UNC13C: variants seen among roughly 807,000 people sequenced by gnomAD.
UNC13C encodes the protein protein unc-13 homolog C.
Under a neutral mutation model 245.4 loss-of-function variants are expected in UNC13C, and 174 were observed. The ratio of observed to expected loss-of-function variants is 0.71; its 90% CI spans 0.63 to 0.80. The LOEUF (loss-of-function observed/expected upper bound fraction) is 0.80, where lower values mean the gene tolerates loss of function less well. Among genes scored for constraint, UNC13C ranks in the 30% least tolerant of loss-of-function variants. The probability of loss-of-function intolerance (pLI) is 0.00; values close to 1 mark genes in which losing one functional copy is unlikely to be tolerated. For missense variants in UNC13C, 2,829 were observed against 2,602.9 expected (o/e 1.09, Z -1.89); for synonymous variants, 992 against 895.1 (o/e 1.11, Z -1.93).
intron 24 of UNC13C, among the ~76,000 whole-genome samples, chr15:54,519,582 T>C (rs907212876): frequency 6.6e-6 from 1 of 152,196 alleles, no homozygotes; most frequent in Non-Finnish European, 1.5e-5. Flanking sequence ...ATACAACTGA[T>C]ACCTCTAGCA....
chr15:53,956,261 C>T, the UNC13C span, among the ~76,000 whole-genome samples: 1 of 152,090 alleles, frequency 6.6e-6, no homozygotes, highest in Non-Finnish European at 1.5e-5. Flanking sequence ...AATCGCATCC[C>T]AAACCTCAGC....
the UNC13C span, among the ~76,000 whole-genome samples, chr15:53,922,149 AAGCAATGGGTTTGCG>A: frequency 6.6e-6 from 1 of 152,202 alleles, no homozygotes; most frequent in Non-Finnish European, 1.5e-5. Flanking sequence ...GGTTTTTAAA[AAGCAATGGGTTTGCG>A]AGCTGTGTTC....
intron 1 of UNC13C, among the ~76,000 whole-genome samples, chr15:54,000,012 C>T (rs1894812975): frequency 6.6e-6 from 1 of 152,038 alleles, no homozygotes; most frequent in South Asian, 2.1e-4. Context: ...ATCTCTTCTA[C>T]AGTTTTTGTA....
intron 7 of UNC13C, among the ~76,000 whole-genome samples, chr15:54,241,951 A>C (rs1363223282): frequency 1.3e-5 from 2 of 152,224 alleles, no homozygotes. Flanking sequence ...CTTCATAAGC[A>C]CGGACTTTGA....
In UNC13C at chr15:54,500,948, A is replaced by G. The variant is rs1485654936; in HGVS notation, c.5271A>G (p.Ala1757=). Residue 1757 remains alanine, a synonymous_variant, in exon 22 of 33, where the codon GCA becomes GCG. Coordinates refer to ENST00000260323, the MANE Select transcript of UNC13C (RefSeq NM_001080534.3). ...IKKLECPNPE[A]LSHLMRRFAK... Reference sequence around the variant, plus strand: ...AACTGGAATGCCCTAATCCTGAAGCATTATCTCACTTAATGAGAAGATTTG... The same window carrying G: ...AACTGGAATGCCCTAATCCTGAAGCGTTATCTCACTTAATGAGAAGATTTG... The G allele has an allele frequency of 2.5e-6, 4 of 1,612,908 alleles. No individual in the cohort carries two copies. The highest frequency in any genetic ancestry group is 3.4e-6 in the Non-Finnish European group (4 of 1,179,180).
intron 2 of UNC13C, among the ~76,000 whole-genome samples, chr15:54,077,172 A>G (rs1898672705): frequency 6.6e-6 from 1 of 152,076 alleles, no homozygotes; most frequent in Admixed American, 6.5e-5. Context: ...AGCAAAGGGA[A>G]TGAGAAAAGG....
In UNC13C at chr15:54,415,011, T is replaced by C; in HGVS notation, c.4877T>C (p.Ile1626Thr). The stretch of plus-strand genomic sequence containing the variant: ...CCTCAAGAGCTGAACATGGGAAAAA[T>C]AAGTGCCGAAATTATGTGGACTCTT... ...QFPQELNMGK[I>T]SAEIMWTLFA... is the part of the protein sequence containing the mutation. Residue 1626 changes from isoleucine to threonine, a missense_variant, in exon 19 of 33, where the codon ATA (isoleucine) becomes ACA (threonine). Coordinates refer to ENST00000260323, the MANE Select transcript of UNC13C (RefSeq NM_001080534.3). The C allele has an allele frequency of 6.2e-7, 1 of 1,612,852 alleles. No homozygotes were observed. The highest frequency in any genetic ancestry group is 8.5e-7 in the Non-Finnish European group (1 of 1,179,416).
At chr15:54,375,113 T>C (rs910271530) in intron 17 of UNC13C, among the ~76,000 whole-genome samples, 1 of 152,232 alleles carries the variant, frequency 6.6e-6, no homozygotes, top group Non-Finnish European at 1.5e-5. Context: ...GTAAGATATA[T>C]ACCTGTAAGT....
chr15:54,472,261 T>C (rs147503437), intron 19 of UNC13C, among the ~76,000 whole-genome samples: 1 of 151,896 alleles, frequency 6.6e-6, no homozygotes, highest in African/African-American at 2.4e-5. Context: ...CTTCTCCTTG[T>C]TTGTGTTTGA....
chr15:54,512,780 C>A (rs899478878), intron 24 of UNC13C, among the ~76,000 whole-genome samples: 1 of 152,040 alleles, frequency 6.6e-6, no homozygotes, highest in African/African-American at 2.4e-5. Context: ...AAGTAAATAT[C>A]CCTTTTATTT....
chr15:54,331,916 C>A, intron 14 of UNC13C, 127 bp from the exon 15 acceptor site: 1 of 583,438 alleles, frequency 1.7e-6, no homozygotes, highest in Non-Finnish European at 2.9e-6. Context: ...ACTTTATGAT[C>A]TTGGACAAGT....
At chr15:53,900,133 A>G in the UNC13C span, among the ~76,000 whole-genome samples, 1 of 152,354 alleles carries the variant, frequency 6.6e-6, no homozygotes, top group East Asian at 1.9e-4. Flanking sequence ...CGCAAATAGT[A>G]CATCTATTTA....
intron 7 of UNC13C, among the ~76,000 whole-genome samples, chr15:54,243,205 G>T (rs978092638): frequency 1.3e-4 from 17 of 132,808 alleles, no homozygotes; most frequent in South Asian, 2.5e-4. Context: ...TCATCCTTCA[G>T]CTCCCACTAA....
chr15:54,436,052 CAG>C (rs2040979234), intron 19 of UNC13C, among the ~76,000 whole-genome samples: 1 of 151,798 alleles, frequency 6.6e-6, no homozygotes, highest in Non-Finnish European at 1.5e-5. Flanking sequence ...TAACACCAGT[CAG>C]AATGGGGATC....
intron 24 of UNC13C, chr15:54,512,333 C>A (rs1252423459): frequency 2.2e-6 from 1 of 455,740 alleles, no homozygotes. Context: ...CTTTGACTTG[C>A]AATTCCATGA....
chr15:54,273,852 C>T (rs539225654), intron 10 of UNC13C, among the ~76,000 whole-genome samples: 3 of 152,316 alleles, frequency 2.0e-5, no homozygotes, highest in African/African-American at 7.2e-5. Context: ...AAAAGATCAA[C>T]ACGCTAGTAC....
At chr15:53,894,040 G>A in the UNC13C span, among the ~76,000 whole-genome samples, 1 of 152,334 alleles carries the variant, frequency 6.6e-6, no homozygotes, top group Non-Finnish European at 1.5e-5. Context: ...TATCTGGGCT[G>A]GAGCACACAG....
At position 54,014,844 on chromosome 15, in the gene UNC13C, G is replaced by A; in HGVS notation, c.1941G>A (p.Gln647=). The part of the protein sequence containing the change: ...SGDRSHYSDS[Q]LSLHEDLSPW... The stretch of plus-strand genomic sequence containing the variant: ...ACCGGAGTCATTACAGTGATTCTCA[G>A]CTCTCTTTACATGAGGATCTTTCTC... The change falls in exon 2 of 33, where the codon CAG becomes CAA. Residue 647 remains glutamine, a synonymous_variant. Transcript: ENST00000260323. 1.1e-5 allele frequency: 17 copies of A among 1,613,852 alleles called. No individual in the cohort carries two copies. Among genetic ancestry groups the A allele is most frequent in the Non-Finnish European group, 1.4e-5 (17 of 1,179,818 alleles).
chr15:54,419,260 A>ACC (rs2040586628), intron 19 of UNC13C, among the ~76,000 whole-genome samples: 2 of 152,148 alleles, frequency 1.3e-5, no homozygotes, highest in Non-Finnish European at 2.9e-5. Context: ...GTATGTAATT[A>ACC]ACTGGTCAGC....
Sources: gnomAD v4.1 joint callset for allele counts (sites outside exome capture counted in the v4.1 genomes callset) on GRCh38, gnomAD v4.1.1 for gene constraint, MANE v1.5 for transcripts, NCBI Gene and HGNC (gene_info 2026-07-23, HGNC 2026-07-21) for gene names.